LRRC57: variants seen among roughly 807,000 people sequenced by gnomAD.
LRRC57 encodes leucine rich repeat containing 57.
A neutral mutation model predicts 23.1 loss-of-function variants in LRRC57; 14 were observed. The ratio of observed to expected loss-of-function variants is 0.61; its 90% CI spans 0.40 to 0.95. The LOEUF is 0.95. Ranked by LOEUF, LRRC57 falls within the 40% of genes least tolerant of loss-of-function variation. The pLI, the probability that LRRC57 is intolerant of heterozygous loss-of-function variation, is 0.00. For synonymous variants in LRRC57, 106 were observed against 115.2 expected (o/e 0.92, Z 0.51); for missense variants, 236 against 284.4 (o/e 0.83, Z 1.22).
At chr15:42,547,836 T>G in intron 3 of LRRC57, 1 of 545,766 alleles carries the variant, frequency 1.8e-6, no homozygotes, top group Non-Finnish European at 3.2e-6. Context: ...CCATTCCAAG[T>G]TAGGTAGCTT....
downstream of LRRC57, among the ~76,000 whole-genome samples, chr15:42,537,353 T>A (rs1472739551): frequency 6.6e-6 from 1 of 152,090 alleles, no homozygotes; most frequent in East Asian, 1.9e-4. Flanking sequence ...AATGAGATGA[T>A]CTCATTCCAG....
downstream of LRRC57, among the ~76,000 whole-genome samples, chr15:42,535,415 C>T (rs928113662): frequency 1.1e-4 from 16 of 151,400 alleles, no homozygotes; most frequent in Non-Finnish European, 1.5e-4. Flanking sequence ...GGTTAACCGG[C>T]GTAAGAGGCC....
rs1189711070 is a variant in LRRC57, at chr15:42,538,581, G to A, written c.*5502C>T. The A allele has an allele frequency of 6.6e-6, 1 of 152,006 alleles. No homozygotes were observed. Among genetic ancestry groups the A allele is most frequent in the Non-Finnish European group, 1.5e-5 (1 of 68,024 alleles). The allele number at this position is 152,006 out of a possible 1,614,324, so 9.4% of individuals were successfully genotyped here. On this transcript the variant is annotated 3_prime_UTR_variant, in exon 6 of 6. Coordinates refer to ENST00000397130, the MANE Select transcript of LRRC57 (RefSeq NM_153260.3). The stretch of plus-strand genomic sequence containing the variant: ...TCCATTTTTTTATCCTTTTAATGTA[G>A]TGTCCACTCCAAGCCTTCTATTTCT...
chr15:42,539,089 G>A lies in LRRC57; in HGVS notation c.*4994C>T, dbSNP rs2057614790. 6.6e-6 allele frequency: 1 copy of A among 152,190 alleles called. No homozygotes were observed. The highest frequency in any genetic ancestry group is 2.1e-4 in the South Asian group (1 of 4,838). The allele number at this position is 152,190 out of a possible 1,614,324, so 9.4% of individuals were successfully genotyped here. A position where few individuals can be genotyped will look rare whatever the true frequency, so the allele number is the denominator to read the frequency against. On this transcript the variant is annotated 3_prime_UTR_variant, in exon 6 of 6. Coordinates refer to ENST00000397130, the MANE Select transcript of LRRC57 (RefSeq NM_153260.3). ...CCAGCTACTTAAGAGGCTGAGGTGG[G>A]AGGAGATAGCTTGAGCCCAGGAGAT...
At chr15:42,544,842 C>CACTATA in intron 5 of LRRC57, among the ~76,000 whole-genome samples, 1 of 98,038 alleles carries the variant, frequency 1.0e-5, no homozygotes, top group Non-Finnish European at 1.9e-5. Flanking sequence ...CACACACACA[C>CACTATA]TATATATATA....
At chr15:42,545,304 C>T (rs1175621056) in intron 4 of LRRC57, 42 bp from the exon 5 acceptor site, 1 of 1,397,958 alleles carries the variant, frequency 7.2e-7, no homozygotes, top group Admixed American at 2.4e-5. Context: ...AAAGCATAAG[C>T]ACTATACTGG....
At chr15:42,532,884 A>G (rs1183248419), downstream of LRRC57, 1 of 152,658 alleles carries the variant, frequency 6.6e-6, no homozygotes, top group Non-Finnish European at 1.5e-5. Flanking sequence ...ACCCTTGTGT[A>G]TTGAACTATG....
the LRRC57 span, among the ~76,000 whole-genome samples, chr15:42,530,485 C>T: frequency 1.3e-5 from 2 of 152,104 alleles, no homozygotes; most frequent in Non-Finnish European, 2.9e-5. Flanking sequence ...CTTGGCCAAC[C>T]GTGGTAGCTC....
At position 42,545,332 on chromosome 15, in the gene LRRC57, A is replaced by T. The variant is rs948803016; in HGVS notation, c.493-70T>A. On this transcript the variant is annotated intron_variant, in intron 4 of 5. Transcript: ENST00000397130. Reference sequence around the variant, plus strand: ...TATACTGGTTACTTTTAGTACATTAAAACAAAACAAAAATCTTTACTTGAC... The same window carrying T: ...TATACTGGTTACTTTTAGTACATTATAACAAAACAAAAATCTTTACTTGAC... 4 of 1,042,764 alleles carry T rather than the reference A, an allele frequency of 3.8e-6. No individual in the cohort carries two copies. The African/African-American group carries it at 5.0e-5, about 13-fold the overall frequency. 64.6% of individuals were successfully genotyped at this position (1,042,764 alleles called of 1,614,324 possible).
rs552006403 is a variant in LRRC57 at position 42,548,772 on chromosome 15, G to A, written c.-102C>T. 136 of 858,120 alleles carry A rather than the reference G, an allele frequency of 1.6e-4. No homozygotes were observed. Among genetic ancestry groups the A allele is most frequent in the Non-Finnish European group, 2.4e-4 (132 of 551,528 alleles). 53.2% of individuals were successfully genotyped at this position (858,120 alleles called of 1,614,324 possible). A position where few individuals can be genotyped will look rare whatever the true frequency, so the allele number is the denominator to read the frequency against. ...TAGCCGGGATGCGCTCCCCGGCTTA[G>A]TCCCGGGCGGGAACGCCCTGTGACG... On this transcript the variant is annotated 5_prime_UTR_variant, in exon 1 of 6. Transcript: ENST00000397130.
the LRRC57 span, chr15:42,532,068 A>C: frequency 6.6e-6 from 1 of 152,134 alleles, no homozygotes; most frequent in Non-Finnish European, 1.5e-5. Context: ...TCTGCTCCAA[A>C]GAGAAAAATA....
chr15:42,544,512 C>CA (rs1035233422), intron 5 of LRRC57, among the ~76,000 whole-genome samples: 25 of 149,312 alleles, frequency 1.7e-4, no homozygotes, highest in African/African-American at 2.2e-4. Flanking sequence ...ACCTTGCCTC[C>CA]AAAAAAAATA....
intron 5 of LRRC57, among the ~76,000 whole-genome samples, chr15:42,544,727 T>C (rs1343979375): frequency 6.7e-6 from 1 of 149,582 alleles, no homozygotes; most frequent in East Asian, 2.0e-4. Context: ...GGGATGAGAA[T>C]CGCTTGAGCC....
intron 3 of LRRC57, chr15:42,547,822 TC>T: frequency 1.8e-6 from 1 of 545,384 alleles, no homozygotes; most frequent in Non-Finnish European, 3.2e-6. Context: ...TTCTCATCCA[TC>T]CCCCATTCCA....
chr15:42,546,376 C>G (rs1020380116), intron 4 of LRRC57, among the ~76,000 whole-genome samples: 7 of 151,910 alleles, frequency 4.6e-5, no homozygotes. Context: ...TCAACTAATA[C>G]TTGCTGCTTA....
At position 42,548,455 on chromosome 15, in the gene LRRC57, C is replaced by T. The variant is rs1225768812; in HGVS notation, c.-21G>A. 9 of 1,611,942 alleles carry T rather than the reference C, an allele frequency of 5.6e-6. No homozygotes were observed. Among genetic ancestry groups the T allele is most frequent in the Non-Finnish European group, 6.8e-6 (8 of 1,179,762 alleles). On this transcript the variant is annotated splice_region_variant and 5_prime_UTR_variant, in exon 2 of 6. Coordinates refer to ENST00000397130, the MANE Select transcript of LRRC57 (RefSeq NM_153260.3). ...CCCATCCTAGCGCCGCGGCTCAGGT[C>T]CCTGCGGGAAGGAAGCGCTGCTGTC...
At chr15:42,548,068 C>A in intron 3 of LRRC57, 38 bp downstream of exon 3, 1 of 1,611,744 alleles carries the variant, frequency 6.2e-7, no homozygotes, top group South Asian at 1.1e-5. Context: ...CTGGTAACAG[C>A]TGATCACTAG....
chr15:42,548,302 G>A (rs2057674832), intron 2 of LRRC57, 49 bp downstream of exon 2: 1 of 1,613,696 alleles, frequency 6.2e-7, no homozygotes, highest in South Asian at 1.1e-5. Context: ...CGCCGCCCCC[G>A]CCGTCCCTCT....
In LRRC57 at chr15:42,545,079, T is replaced by C. The variant is rs552904740; in HGVS notation, c.676A>G (p.Lys226Glu). The C allele has an allele frequency of 6.3e-7, 1 of 1,591,810 alleles. No homozygotes were observed. The highest frequency in any genetic ancestry group is 1.1e-5 in the South Asian group (1 of 87,568). The change falls in exon 5 of 6, where the codon AAG becomes GAG. Residue 226 changes from lysine to glutamate, a missense_variant and splice_region_variant. Transcript: ENST00000397130. ...TGCAGAAGTACATTAATTCATACCT[T>C]ATCATAGCCTTCCAGTTCTCGAAGT... ...KKLRELEGYD[K>E]YMERFTATKK... is the part of the protein sequence containing the mutation.
Sources: allele counts gnomAD v4.1 joint callset (sites outside exome capture counted in the v4.1 genomes callset), GRCh38; gene constraint gnomAD v4.1.1; transcripts MANE v1.5; gene names NCBI Gene and HGNC (gene_info 2026-07-23, HGNC 2026-07-21).